PGM1: variants seen among roughly 807,000 people sequenced by gnomAD.
PGM1 encodes the protein phosphoglucomutase 1, also known as phosphoglucomutase-1.
A neutral mutation model predicts 55.6 loss-of-function variants in PGM1; 52 were observed. The ratio of observed to expected loss-of-function variants is 0.94; its 90% CI spans 0.75 to 1.18. The LOEUF (loss-of-function observed/expected upper bound fraction) is 1.18. PGM1 is among the 50% of genes most tolerant of loss of function. PGM1 has a pLI of 0.00. For missense variants in PGM1, 724 were observed against 729.3 expected (o/e 0.99, Z 0.08); for synonymous variants, 287 against 271.7 (o/e 1.06, Z -0.55).
At chr1:63,651,448 A>C (rs1263175744) in intron 8 of PGM1, 2 of 545,050 alleles carry the variant, frequency 3.7e-6, no homozygotes, top group African/African-American at 3.8e-5. Context: ...CTGCTTATTC[A>C]GAAGCTCATA....
chr1:63,629,865 A>G (rs991091674), intron 2 of PGM1, 77 bp from the exon 3 acceptor site: 2 of 1,509,460 alleles, frequency 1.3e-6, no homozygotes, highest in Non-Finnish European at 1.8e-6. Context: ...AGTGAAGAGG[A>G]ACTGATGAGC....
chr1:63,618,270 GTA>G (rs1340751577), intron 1 of PGM1, among the ~76,000 whole-genome samples: 1 of 152,198 alleles, frequency 6.6e-6, no homozygotes, highest in Non-Finnish European at 1.5e-5. Context: ...AAGTACTATA[GTA>G]TACTGTCTGC....
chr1:63,626,115 G>A (rs1032000454), intron 1 of PGM1, among the ~76,000 whole-genome samples: 9 of 152,194 alleles, frequency 5.9e-5, no homozygotes, highest in Non-Finnish European at 8.8e-5. Flanking sequence ...GGAAGTCGTG[G>A]GAAAGGAAGG....
chr1:63,602,611 A>C (rs199620869), intron 1 of PGM1, among the ~76,000 whole-genome samples: 91,980 of 151,778 alleles, frequency 0.61, 29,634 homozygotes, highest in African/African-American at 0.82. Context: ...CTCACAAGTG[A>C]ATTGAAATGT....
At chr1:63,614,264 G>T (rs1400781571) in intron 1 of PGM1, among the ~76,000 whole-genome samples, 1 of 152,130 alleles carries the variant, frequency 6.6e-6, no homozygotes, top group Non-Finnish European at 1.5e-5. Context: ...ATCAAGAGTT[G>T]GAATTTGAAC....
chr1:63,634,909 G>T lies in PGM1; in HGVS notation c.763G>T (p.Glu255Ter). The change falls in exon 5 of 11, where the codon GAG becomes TAG. Residue 255 changes from glutamate to a stop codon, truncating the protein, a stop_gained. Transcript: ENST00000371084. LOFTEE classifies it high-confidence loss of function. ...ANSAVNCVPL[E>*]DFGGHHPDPN... ...CTCGGCAGTTAACTGCGTTCCTCTG[G>T]AGGACTTTGGAGGCCACCACCCTGA... is the stretch of plus-strand genomic sequence containing the variant. The T allele has an allele frequency of 6.2e-7, 1 of 1,613,926 alleles. No homozygotes were observed. The highest frequency in any genetic ancestry group is 8.5e-7 in the Non-Finnish European group (1 of 1,179,986).
intron 4 of PGM1, among the ~76,000 whole-genome samples, chr1:63,633,403 G>A (rs537404386): frequency 1.1e-4 from 16 of 152,230 alleles, no homozygotes; most frequent in African/African-American, 3.4e-4. Context: ...TAATGCTTTC[G>A]TTTCTATATC....
Position 63,606,450 on chromosome 1 carries a change from T to G in PGM1, c.246+12716T>G, listed in dbSNP as rs551231473. ...TTATACACAGGGACCCATGCCCCTT[T>G]TCTTCTGTTGTGCAGCCTTCCCTGG... On this transcript the variant is annotated intron_variant, in intron 1 of 10. Coordinates refer to ENST00000371084, the MANE Select transcript of PGM1 (RefSeq NM_002633.3). Among the ~76,000 whole-genome samples, 250 of 152,322 alleles carry G rather than the reference T, an allele frequency of 1.6e-3. 1 individual carries two copies. The highest frequency in any genetic ancestry group is 5.7e-3 in the African/African-American group (238 of 41,556).
chr1:63,597,669 G>A (rs1420673407), intron 1 of PGM1, among the ~76,000 whole-genome samples: 1 of 152,216 alleles, frequency 6.6e-6, no homozygotes, highest in Non-Finnish European at 1.5e-5. Flanking sequence ...AAAAGTCCAA[G>A]AGAATCCCAA....
At chr1:63,631,806 TCCCATCTCTTGAGGATA>T in intron 4 of PGM1, 24 bp downstream of exon 4, 1 of 1,611,692 alleles carries the variant, frequency 6.2e-7, no homozygotes, top group Non-Finnish European at 8.5e-7. Flanking sequence ...TCTTTTCAAT[TCCCATCTCTTGAGGATA>T]GGAAGTTGCC....
chr1:63,629,445 A>G lies in PGM1; in HGVS notation c.267A>G (p.Gly89=), dbSNP rs779055043. Residue 89 remains glycine, a synonymous_variant, in exon 2 of 11, where the codon GGA becomes GGG. Coordinates refer to ENST00000371084, the MANE Select transcript of PGM1 (RefSeq NM_002633.3). Reference sequence around the variant, plus strand: ...CCTAGATCGGTCGCTTGGTTATCGGACAGAATGGAATCCTCTCCACCCCTG... The same window carrying G: ...CCTAGATCGGTCGCTTGGTTATCGGGCAGAATGGAATCCTCTCCACCCCTG... ...AANGIGRLVI[G]QNGILSTPAV... The G allele has an allele frequency of 7.4e-6, 12 of 1,613,708 alleles. No individual in the cohort carries two copies. In the South Asian group the frequency reaches 1.3e-4, roughly 18 times the overall value.
At chr1:63,638,202 G>A (rs1649412507) in intron 6 of PGM1, among the ~76,000 whole-genome samples, 1 of 152,158 alleles carries the variant, frequency 6.6e-6, no homozygotes, top group Non-Finnish European at 1.5e-5. Flanking sequence ...TGAATACTGG[G>A]CGGTCGGTCA....
chr1:63,611,837 G>A (rs1385534005), intron 1 of PGM1, among the ~76,000 whole-genome samples: 1 of 151,422 alleles, frequency 6.6e-6, no homozygotes, highest in Non-Finnish European at 1.5e-5. Context: ...AGGGGAGGTG[G>A]AGGTTGCAGT....
chr1:63,622,023 C>T lies in PGM1; in HGVS notation c.247-7402C>T, dbSNP rs1365449673. 2.6e-5 allele frequency among the ~76,000 whole-genome samples: 4 copies of T among 152,128 alleles called. No homozygotes were observed. The East Asian group carries it at 5.8e-4, about 22-fold the overall frequency. On this transcript the variant is annotated intron_variant, in intron 1 of 10. Coordinates refer to ENST00000371084, the MANE Select transcript of PGM1 (RefSeq NM_002633.3). The stretch of plus-strand genomic sequence containing the variant: ...GTTGCTCAAGGGATGATTCACTTTT[C>T]CCTTCAAAACCTTAATTCCTCAGTG...
chr1:63,614,763 C>T (rs1648665375), intron 1 of PGM1, among the ~76,000 whole-genome samples: 1 of 152,144 alleles, frequency 6.6e-6, no homozygotes, highest in African/African-American at 2.4e-5. Flanking sequence ...TCTGTATCCC[C>T]CATTTTCCTT....
intron 4 of PGM1, 60 bp from the exon 5 acceptor site, chr1:63,634,769 A>T (rs1164228817): frequency 1.5e-5 from 22 of 1,433,736 alleles, no homozygotes; most frequent in Non-Finnish European, 1.9e-5. Flanking sequence ...CTGAATCCTC[A>T]CATACTTTAA....
At chr1:63,639,457 T>C (rs1649456540) in intron 7 of PGM1, among the ~76,000 whole-genome samples, 1 of 151,828 alleles carries the variant, frequency 6.6e-6, no homozygotes, top group Non-Finnish European at 1.5e-5. Context: ...TCTCTGCTTG[T>C]CCAAATATTG....
intron 7 of PGM1, among the ~76,000 whole-genome samples, chr1:63,639,481 C>T (rs1649457397): frequency 6.6e-6 from 1 of 151,892 alleles, no homozygotes; most frequent in Non-Finnish European, 1.5e-5. Flanking sequence ...CGAACTCCCA[C>T]CTCCTTCACG....
chr1:63,620,056 G>A (rs928788022), intron 1 of PGM1, among the ~76,000 whole-genome samples: 1 of 152,178 alleles, frequency 6.6e-6, no homozygotes, highest in Non-Finnish European at 1.5e-5. Flanking sequence ...AGTACTGGGT[G>A]TTTTCACATG....
Sources: gnomAD v4.1 joint callset for allele counts (sites outside exome capture counted in the v4.1 genomes callset) on GRCh38, gnomAD v4.1.1 for gene constraint, MANE v1.5 for transcripts, NCBI Gene and HGNC (gene_info 2026-07-23, HGNC 2026-07-21) for gene names.